GRB2: variants seen among roughly 807,000 people sequenced by gnomAD.
The protein encoded by GRB2 is growth factor receptor-bound protein 2.
GRB2 carries 2 observed loss-of-function variants against 27.4 expected under a neutral mutation model. The observed-to-expected ratio is 0.07, with a 90% CI of 0.03 to 0.23. GRB2 has a LOEUF of 0.23. Ranked by LOEUF, GRB2 falls within the 10% of genes least tolerant of loss-of-function variation. The pLI, the probability that GRB2 is intolerant of heterozygous loss-of-function variation, is 1.00. For missense variants in GRB2, 102 were observed against 282.4 expected, an observed-to-expected ratio of 0.36 and a Z score of 4.58; for synonymous variants, 94 against 99.6, an observed-to-expected ratio of 0.94 and a Z score of 0.33.
At chr17:75,350,808 T>C (rs1206782747) in intron 2 of GRB2, among the ~76,000 whole-genome samples, 1 of 152,072 alleles carries the variant, frequency 6.6e-6, no homozygotes, top group East Asian at 1.9e-4. Flanking sequence ...GTGGTAATAT[T>C]TGAATGGAAA....
chr17:75,398,159 A>G (rs1162518210), intron 1 of GRB2, among the ~76,000 whole-genome samples: 1 of 152,204 alleles, frequency 6.6e-6, no homozygotes, highest in Admixed American at 6.5e-5. Flanking sequence ...TATTTAAAAC[A>G]TATGAAAAGA....
intron 2 of GRB2, among the ~76,000 whole-genome samples, chr17:75,359,529 T>TA (rs1489275244): frequency 2.9e-5 from 3 of 103,728 alleles, no homozygotes; most frequent in Non-Finnish European, 4.4e-5. Flanking sequence ...TAATAAATAA[T>TA]AATAATAATT....
intron 2 of GRB2, among the ~76,000 whole-genome samples, chr17:75,341,443 C>T (rs367865308): frequency 1.6e-5 from 1 of 63,750 alleles, no homozygotes; most frequent in Non-Finnish European, 4.0e-5. Flanking sequence ...CAGAGTGACT[C>T]CATTAAAAAA....
At chr17:75,326,925 TATC>T (rs1217870719) in intron 3 of GRB2, among the ~76,000 whole-genome samples, 1 of 152,194 alleles carries the variant, frequency 6.6e-6, no homozygotes, top group Non-Finnish European at 1.5e-5. Flanking sequence ...TGTCTTTAGT[TATC>T]ATTTTTAAAA....
intron 1 of GRB2, chr17:75,404,847 A>G (rs2079088525): frequency 6.6e-6 from 1 of 152,222 alleles, no homozygotes; most frequent in Admixed American, 6.5e-5. Context: ...TTACAATCAT[A>G]GAGAGGGCGC....
At chr17:75,321,543 G>A (rs1376510615) in intron 5 of GRB2, 116 bp downstream of exon 5, 8 of 877,512 alleles carry the variant, frequency 9.1e-6, no homozygotes, top group Admixed American at 2.1e-5. Context: ...AAGCCCCAGC[G>A]GCAATCCCTG....
In GRB2 at chr17:75,321,644, C is replaced by A. The variant is rs1294186246; in HGVS notation, c.468+15G>T. On this transcript the variant is annotated intron_variant, in intron 5 of 5. Coordinates refer to ENST00000316804, the MANE Select transcript of GRB2 (RefSeq NM_002086.5). ...TTAACTAAAAATGATCCCATCTCAC[C>A]CTGATGAGGCTTACCTGTGGCACCT... The A allele has an allele frequency of 3.7e-6, 6 of 1,612,936 alleles. No homozygotes were observed. In the Admixed American group the frequency reaches 5.0e-5, roughly 13 times the overall value.
At chr17:75,339,999 T>C (rs2078609910) in intron 2 of GRB2, among the ~76,000 whole-genome samples, 2 of 152,350 alleles carry the variant, frequency 1.3e-5, no homozygotes, top group Middle Eastern at 3.4e-3. Context: ...ATTTTGTTTA[T>C]AGATTGCTGC....
chr17:75,343,033 G>A (rs1484587868), intron 2 of GRB2, among the ~76,000 whole-genome samples: 1 of 59,712 alleles, frequency 1.7e-5, no homozygotes, highest in South Asian at 6.2e-4. Flanking sequence ...CTGGGTGACA[G>A]AGAGAAACCT....
intron 2 of GRB2, among the ~76,000 whole-genome samples, chr17:75,379,713 G>A (rs1359178940): frequency 6.6e-6 from 1 of 152,078 alleles, no homozygotes; most frequent in Admixed American, 6.6e-5. Context: ...CTTAATGCAT[G>A]ATAGATAGCT....
intron 2 of GRB2, among the ~76,000 whole-genome samples, chr17:75,364,096 A>G (rs932915218): frequency 1.3e-5 from 2 of 152,106 alleles, no homozygotes; most frequent in Non-Finnish European, 2.9e-5. Flanking sequence ...CCACAAACTT[A>G]ACCATAACCA....
chr17:75,370,513 C>G (rs746293643), intron 2 of GRB2, among the ~76,000 whole-genome samples: 3 of 152,200 alleles, frequency 2.0e-5, no homozygotes, highest in African/African-American at 4.8e-5. Flanking sequence ...AATAAGAGGT[C>G]AGAACGCGTC....
At chr17:75,363,397 C>T (rs1004349337) in intron 2 of GRB2, among the ~76,000 whole-genome samples, 1 of 152,146 alleles carries the variant, frequency 6.6e-6, no homozygotes, top group Non-Finnish European at 1.5e-5. Flanking sequence ...ATCTTTTCTA[C>T]TCTGGAAAGC....
chr17:75,397,252 A>C (rs2079034502), intron 1 of GRB2, among the ~76,000 whole-genome samples: 1 of 152,238 alleles, frequency 6.6e-6, no homozygotes, highest in African/African-American at 2.4e-5. Context: ...AAGACAAAAA[A>C]AAATCTAACA....
At chr17:75,401,663 G>T (rs960002866) in intron 1 of GRB2, among the ~76,000 whole-genome samples, 1 of 152,190 alleles carries the variant, frequency 6.6e-6, no homozygotes, top group Non-Finnish European at 1.5e-5. Flanking sequence ...ACTTACTAAT[G>T]AGGGGACACT....
chr17:75,379,998 G>C (rs1342953300), intron 2 of GRB2, among the ~76,000 whole-genome samples: 1 of 152,164 alleles, frequency 6.6e-6, no homozygotes, highest in Non-Finnish European at 1.5e-5. Context: ...AAAGATAACT[G>C]AGATATAACT....
intron 3 of GRB2, among the ~76,000 whole-genome samples, chr17:75,332,428 C>T: frequency 6.6e-6 from 1 of 152,118 alleles, no homozygotes; most frequent in Non-Finnish European, 1.5e-5. Flanking sequence ...GGCTCTAAGA[C>T]ATATTTAACA....
At chr17:75,383,639 C>A (rs901674006) in intron 2 of GRB2, among the ~76,000 whole-genome samples, 1 of 152,022 alleles carries the variant, frequency 6.6e-6, no homozygotes, top group Non-Finnish European at 1.5e-5. Context: ...GTCAGGAGTT[C>A]GAGACCAGCC....
intron 2 of GRB2, among the ~76,000 whole-genome samples, chr17:75,345,977 G>A (rs1345069765): frequency 1.3e-5 from 2 of 152,086 alleles, no homozygotes; most frequent in Admixed American, 6.6e-5. Context: ...ATCAGAAGTC[G>A]CTGAGAGTGA....
Sources: gnomAD v4.1 joint callset for allele counts (sites outside exome capture counted in the v4.1 genomes callset) on GRCh38, gnomAD v4.1.1 for gene constraint, MANE v1.5 for transcripts, NCBI Gene and HGNC (gene_info 2026-07-23, HGNC 2026-07-21) for gene names.